Variants in EFL1 observed in about 807,000 individuals in gnomAD.
EFL1 encodes elongation factor-like GTPase 1.
A neutral mutation model predicts 126.7 loss-of-function variants in EFL1; 76 were observed. The ratio of observed to expected loss-of-function variants is 0.60; its 90% CI spans 0.50 to 0.73. The LOEUF is 0.73. Ranked by LOEUF, EFL1 falls within the 30% of genes least tolerant of loss-of-function variation. The pLI, the probability that EFL1 is intolerant of heterozygous loss-of-function variation, is 0.00. For synonymous variants in EFL1, 410 were observed against 448.4 expected, an observed-to-expected ratio of 0.91 and a Z score of 1.08; for missense variants, 1,128 against 1,343.2, an observed-to-expected ratio of 0.84 and a Z score of 2.50.
chr15:82,130,309 T>C lies in EFL1; in HGVS notation c.*64A>G. ...ATGTGGCAAAAAGAAATTTTCCCAATATTAAACCCTTGATGATACTTTTAA... is the reference window on the plus strand; with the variant it reads ...ATGTGGCAAAAAGAAATTTTCCCAACATTAAACCCTTGATGATACTTTTAA... On this transcript the variant is annotated 3_prime_UTR_variant, in exon 20 of 20. Coordinates refer to ENST00000268206, the MANE Select transcript of EFL1 (RefSeq NM_024580.6). 1.3e-6 allele frequency: 2 copies of C among 1,539,866 alleles called. No homozygotes were observed. The highest frequency in any genetic ancestry group is 1.8e-6 in the Non-Finnish European group (2 of 1,139,096).
intron 16 of EFL1, among the ~76,000 whole-genome samples, chr15:82,158,904 A>G (rs2073994393): frequency 6.6e-6 from 1 of 152,254 alleles, no homozygotes; most frequent in Non-Finnish European, 1.5e-5. Context: ...ATGAGGAAAC[A>G]GGTATAGAGA....
intron 15 of EFL1, among the ~76,000 whole-genome samples, chr15:82,214,466 A>G (rs1421654207): frequency 6.6e-6 from 1 of 152,134 alleles, no homozygotes; most frequent in Non-Finnish European, 1.5e-5. Context: ...AATAAATGGA[A>G]CTCCAGCTTA....
chr15:82,130,796 G>A (rs544527572), intron 19 of EFL1, among the ~76,000 whole-genome samples: 4 of 152,210 alleles, frequency 2.6e-5, no homozygotes, highest in South Asian at 2.1e-4. Context: ...TCAGAAGTTC[G>A]AGACCGGCCT....
In EFL1 at chr15:82,152,191, C is replaced by T. The variant is rs1364056721; in HGVS notation, c.2263G>A (p.Ala755Thr). Residue 755 changes from alanine (A) to threonine (T), a missense_variant, in exon 18 of 20, where the codon GCC becomes ACC. Physicochemically the swap from Ala to Thr is moderately conservative, Grantham distance 58. Around this residue, in one of 6 missense-constraint regions of EFL1, gnomAD observed 561 missense variants for 641.7 expected, o/e 0.87. Coordinates refer to ENST00000268206, the MANE Select transcript of EFL1 (RefSeq NM_024580.6). ...GTGACTTCTTCTGGAAGGGGCATGG[C>T]TCGAACACTGAGCGTGGCAAGTTTA... is the stretch of plus-strand genomic sequence containing the variant. ...PNKLATLSVRAMPLPEEVTQI... is the reference protein window; with the variant it reads ...PNKLATLSVRTMPLPEEVTQI... The T allele has an allele frequency of 3.1e-6, 5 of 1,614,030 alleles. No individual in the cohort carries two copies. The highest frequency in any genetic ancestry group is 3.3e-5 in the Admixed American group (2 of 59,992).
chr15:82,158,105 C>T (rs192083503), intron 16 of EFL1, among the ~76,000 whole-genome samples: 8 of 152,290 alleles, frequency 5.3e-5, no homozygotes, highest in African/African-American at 1.7e-4. Flanking sequence ...TATATTACTT[C>T]TTCAAATACT....
chr15:82,168,648 G>A (rs1760020499), intron 15 of EFL1, among the ~76,000 whole-genome samples: 1 of 152,152 alleles, frequency 6.6e-6, no homozygotes, highest in African/African-American at 2.4e-5. Context: ...AAGTAGTTGG[G>A]ATTACAGGCA....
At chr15:82,200,457 G>A (rs1338469358) in intron 15 of EFL1, among the ~76,000 whole-genome samples, 10 of 152,136 alleles carry the variant, frequency 6.6e-5, no homozygotes, top group Non-Finnish European at 1.3e-4. Context: ...CTTCTGGGGG[G>A]TAATCTTGGC....
chr15:82,217,793 T>G (rs549529935), intron 14 of EFL1, among the ~76,000 whole-genome samples: 2 of 152,264 alleles, frequency 1.3e-5, no homozygotes, highest in East Asian at 3.9e-4. Context: ...AAACGGAATA[T>G]GGCAAAAGTG....
rs1331838012 is a variant in EFL1 at position 82,252,908 on chromosome 15, G to T, written c.160-133C>A. The stretch of plus-strand genomic sequence containing the variant: ...TTTTATTTATTTTTGTAGAGACAGG[G>T]TCTTGCTATGTTGCCCACACTAGTC... On this transcript the variant is annotated intron_variant, in intron 3 of 19. Coordinates refer to ENST00000268206, the MANE Select transcript of EFL1 (RefSeq NM_024580.6). 7.4e-6 allele frequency: 5 copies of T among 672,028 alleles called. No individual in the cohort carries two copies. The Admixed American group carries it at 8.1e-5, about 11-fold the overall frequency. The allele number at this position is 672,028 out of a possible 1,614,324, so 41.6% of individuals were successfully genotyped here.
At chr15:82,225,518 G>A (rs2074754015) in intron 11 of EFL1, among the ~76,000 whole-genome samples, 1 of 152,180 alleles carries the variant, frequency 6.6e-6, no homozygotes, top group Non-Finnish European at 1.5e-5. Flanking sequence ...GACAGGGTGA[G>A]GGATCTCATA....
chr15:82,211,342 T>G (rs1442318556), intron 15 of EFL1, among the ~76,000 whole-genome samples: 1 of 151,664 alleles, frequency 6.6e-6, no homozygotes, highest in Admixed American at 6.6e-5. Context: ...CTGGCCAACC[T>G]GGTGAAACCC....
chr15:82,182,159 A>C (rs1198827367), intron 15 of EFL1, among the ~76,000 whole-genome samples: 1 of 152,210 alleles, frequency 6.6e-6, no homozygotes, highest in Non-Finnish European at 1.5e-5. Flanking sequence ...CAGGAGGCTG[A>C]GGCACAAGAA....
At position 82,159,677 on chromosome 15, in the gene EFL1, A is replaced by G. The variant is rs958877248; in HGVS notation, c.1883-1817T>C. 3.3e-5 allele frequency among the ~76,000 whole-genome samples: 5 copies of G among 152,218 alleles called. No homozygotes were observed. The East Asian group carries it at 5.8e-4, about 18-fold the overall frequency. ...ACCAAATGGATAGTTCAATAAAGATATAAGAATTAACAAACCTTCTAATTA... is the reference window on the plus strand; with the variant it reads ...ACCAAATGGATAGTTCAATAAAGATGTAAGAATTAACAAACCTTCTAATTA... On this transcript the variant is annotated intron_variant, in intron 16 of 19. Transcript: ENST00000268206.
At chr15:82,247,875 G>A (rs1296812469) in intron 4 of EFL1, among the ~76,000 whole-genome samples, 1 of 152,122 alleles carries the variant, frequency 6.6e-6, no homozygotes, top group African/African-American at 2.4e-5. Flanking sequence ...AGACCACAGG[G>A]ACGTAGGTAG....
At chr15:82,225,380 C>A (rs1294505114) in intron 11 of EFL1, 116 bp from the exon 12 acceptor site, 4 of 687,948 alleles carry the variant, frequency 5.8e-6, no homozygotes, top group Non-Finnish European at 9.0e-6. Flanking sequence ...TCAAAATACA[C>A]CAGAAGTCCA....
At chr15:82,198,424 C>A (rs931431160) in intron 15 of EFL1, among the ~76,000 whole-genome samples, 4 of 152,138 alleles carry the variant, frequency 2.6e-5, no homozygotes, top group East Asian at 1.9e-4. Flanking sequence ...CCTCATGGAT[C>A]CAATCAGGAT....
intron 15 of EFL1, among the ~76,000 whole-genome samples, chr15:82,209,383 A>T (rs1468581218): frequency 1.3e-5 from 2 of 151,518 alleles, no homozygotes; most frequent in Non-Finnish European, 2.9e-5. Context: ...CTATTGACCC[A>T]GCAACCAACC....
At chr15:82,179,810 G>A (rs947872297) in intron 15 of EFL1, among the ~76,000 whole-genome samples, 1 of 116,872 alleles carries the variant, frequency 8.6e-6, no homozygotes, top group Admixed American at 1.1e-4. Flanking sequence ...GGCTGGGTAT[G>A]CACAGAAACG....
intron 18 of EFL1, among the ~76,000 whole-genome samples, chr15:82,141,061 C>G (rs533807668): frequency 6.6e-6 from 1 of 152,280 alleles, no homozygotes; most frequent in African/African-American, 2.4e-5. Context: ...TACTCAAAGA[C>G]AGCTGTCTCA....
Sources: gnomAD v4.1 joint callset for allele counts (sites outside exome capture counted in the v4.1 genomes callset) on GRCh38, gnomAD v4.1.1 for gene constraint, gnomAD v4.1.1 regional missense constraint, MANE v1.5 for transcripts, NCBI Gene and HGNC (gene_info 2026-07-23, HGNC 2026-07-21) for gene names.